Variants in ITPR2 observed in about 807,000 individuals in gnomAD.
ITPR2 encodes the protein inositol 1,4,5-trisphosphate-gated calcium channel ITPR2.
In ITPR2, 207 loss-of-function variants were observed where a neutral mutation model predicts 317.1. The ratio of observed to expected loss-of-function variants is 0.65; its 90% CI spans 0.58 to 0.73. ITPR2 has a LOEUF of 0.73. Ranked by LOEUF, ITPR2 falls within the 30% of genes least tolerant of loss-of-function variation. The pLI, the probability that ITPR2 is intolerant of heterozygous loss-of-function variation, is 0.00. For missense variants in ITPR2, 2,613 were observed against 3,284.0 expected, an observed-to-expected ratio of 0.80 and a Z score of 4.99; for synonymous variants, 1,156 against 1,149.1, an observed-to-expected ratio of 1.01 and a Z score of -0.12.
intron 37 of ITPR2, among the ~76,000 whole-genome samples, chr12:26,520,410 T>C (rs1339221689): frequency 1.3e-5 from 2 of 152,220 alleles, no homozygotes; most frequent in Admixed American, 1.3e-4. Flanking sequence ...CTTCCTGTTC[T>C]TGTGAGTGTC....
chr12:26,614,252 C>A (rs1946329656), intron 26 of ITPR2, among the ~76,000 whole-genome samples: 1 of 151,946 alleles, frequency 6.6e-6, no homozygotes, highest in Non-Finnish European at 1.5e-5. Context: ...AACAAGGGCA[C>A]AAGATAAGTT....
Position 26,597,028 on chromosome 12 carries a change from C to T in ITPR2, c.4109G>A (p.Gly1370Asp). 1 of 1,613,944 alleles carries T rather than the reference C, an allele frequency of 6.2e-7. No homozygotes were observed. The highest frequency in any genetic ancestry group is 8.5e-7 in the Non-Finnish European group (1 of 1,179,948). ...CSERDRGDES[G>D]PLAYHITLVE... Reference sequence around the variant, plus strand: ...CAGGGTGATGTGGTAGGCTAAGGGGCCACTCTCATCCCCTCGGTCTCTCTC... The same window carrying T: ...CAGGGTGATGTGGTAGGCTAAGGGGTCACTCTCATCCCCTCGGTCTCTCTC... Residue 1370 changes from glycine to aspartate, a missense_variant, in exon 31 of 57, where the codon GGC (glycine) becomes GAC (aspartate). Physicochemically the swap from Gly to Asp is moderately conservative, Grantham distance 94 (BLOSUM62 -1). Transcript: ENST00000381340.
At chr12:26,450,144 CGAG>C (rs1363862432) in intron 45 of ITPR2, among the ~76,000 whole-genome samples, 3 of 152,108 alleles carry the variant, frequency 2.0e-5, no homozygotes, top group Non-Finnish European at 2.9e-5. Flanking sequence ...GGATCCTCCT[CGAG>C]GGCCTTCAGA....
At chr12:26,624,235 T>C (rs1946565651) in intron 24 of ITPR2, 64 bp downstream of exon 24, 1 of 1,049,086 alleles carries the variant, frequency 9.5e-7, no homozygotes, top group South Asian at 1.3e-5. Flanking sequence ...TATCAAAGTA[T>C]CAATAGAATT....
chr12:26,663,311 T>A (rs1947544033), intron 15 of ITPR2, among the ~76,000 whole-genome samples: 1 of 152,212 alleles, frequency 6.6e-6, no homozygotes, highest in African/African-American at 2.4e-5. Context: ...CCATCATATC[T>A]TTTCCACTAA....
intron 2 of ITPR2, among the ~76,000 whole-genome samples, chr12:26,763,258 A>G (rs940060267): frequency 6.6e-6 from 1 of 152,070 alleles, no homozygotes; most frequent in African/African-American, 2.4e-5. Context: ...TTTCTTTGCC[A>G]ATTATAGTTT....
At chr12:26,588,396 C>T (rs943486442) in intron 32 of ITPR2, among the ~76,000 whole-genome samples, 11 of 152,082 alleles carry the variant, frequency 7.2e-5, no homozygotes, top group African/African-American at 2.4e-4. Context: ...GGGAAGAAGC[C>T]TTGTATAAGT....
chr12:26,606,528 T>A (rs1363804853), intron 26 of ITPR2, among the ~76,000 whole-genome samples: 2 of 137,430 alleles, frequency 1.5e-5, no homozygotes, highest in Non-Finnish European at 3.1e-5. Flanking sequence ...ATATTGGTTC[T>A]AAAGATAGTT....
At chr12:26,762,624 G>A (rs1164158980) in intron 2 of ITPR2, among the ~76,000 whole-genome samples, 22 of 152,152 alleles carry the variant, frequency 1.4e-4, no homozygotes, top group Admixed American at 1.3e-3. Context: ...AAAACATGTA[G>A]AAGTATAAAA....
intron 2 of ITPR2, among the ~76,000 whole-genome samples, chr12:26,760,620 C>T (rs759367734): frequency 1.9e-4 from 29 of 152,260 alleles, no homozygotes; most frequent in Non-Finnish European, 3.7e-4. Flanking sequence ...AACTTCTCTC[C>T]TACCCATCTA....
At chr12:26,377,533 T>C (rs1271161394) in intron 55 of ITPR2, among the ~76,000 whole-genome samples, 1 of 152,248 alleles carries the variant, frequency 6.6e-6, no homozygotes, top group Non-Finnish European at 1.5e-5. Flanking sequence ...CAGAAACAGC[T>C]TTCTTCCTTC....
At chr12:26,739,035 G>A (rs894815805) in intron 2 of ITPR2, among the ~76,000 whole-genome samples, 6 of 152,128 alleles carry the variant, frequency 3.9e-5, no homozygotes, top group South Asian at 4.1e-4. Flanking sequence ...AAAAAGGGAA[G>A]GCTAACAAGT....
At chr12:26,821,224 A>G (rs1275955440) in intron 1 of ITPR2, among the ~76,000 whole-genome samples, 1 of 152,208 alleles carries the variant, frequency 6.6e-6, no homozygotes, top group African/African-American at 2.4e-5. Context: ...GCTCACACCC[A>G]GCATCTTTGT....
intron 34 of ITPR2, among the ~76,000 whole-genome samples, chr12:26,573,753 A>T (rs1945216045): frequency 6.6e-6 from 1 of 152,170 alleles, no homozygotes; most frequent in Non-Finnish European, 1.5e-5. Flanking sequence ...GAGACTCCGA[A>T]AGAAGGTCAG....
intron 55 of ITPR2, among the ~76,000 whole-genome samples, chr12:26,362,549 G>C (rs1436197664): frequency 6.6e-6 from 1 of 152,134 alleles, no homozygotes; most frequent in Non-Finnish European, 1.5e-5. Context: ...GCTACTTTCA[G>C]TTAGTCACTG....
intron 34 of ITPR2, among the ~76,000 whole-genome samples, chr12:26,572,897 TG>T (rs1187636777): frequency 6.6e-6 from 1 of 152,174 alleles, no homozygotes; most frequent in African/African-American, 2.4e-5. Flanking sequence ...GTAAGCCAAA[TG>T]TCCATAGTTC....
At chr12:26,374,279 A>G (rs1031677425) in intron 55 of ITPR2, among the ~76,000 whole-genome samples, 48 of 152,186 alleles carry the variant, frequency 3.2e-4, no homozygotes, top group African/African-American at 1.1e-3. Flanking sequence ...AATACTCACT[A>G]TTTAGCTATG....
chr12:26,788,744 ATTC>A lies in ITPR2; in HGVS notation c.163+1410_163+1412del, dbSNP rs372698461. Among the ~76,000 whole-genome samples, 68 of 151,688 alleles carry A rather than the reference ATTC, an allele frequency of 4.5e-4. No homozygotes were observed. The South Asian group carries it at 0.011, about 25-fold the overall frequency. ...TCCAAGCTTTTCATGACTCATCCAA[ATTC>A]TTCTTCTTTGTATCTCTCTGTGCTA... On this transcript the variant is annotated intron_variant, in intron 2 of 56. Coordinates refer to ENST00000381340, the MANE Select transcript of ITPR2 (RefSeq NM_002223.4).
intron 1 of ITPR2, among the ~76,000 whole-genome samples, chr12:26,829,762 C>A (rs958484948): frequency 1.4e-4 from 22 of 152,120 alleles, no homozygotes; most frequent in African/African-American, 5.3e-4. Flanking sequence ...GAAGCAAGTA[C>A]CAGGAGGGAG....
Sources: gnomAD v4.1 joint callset for allele counts (sites outside exome capture counted in the v4.1 genomes callset) on GRCh38, gnomAD v4.1.1 for gene constraint, MANE v1.5 for transcripts, NCBI Gene and HGNC (gene_info 2026-07-23, HGNC 2026-07-21) for gene names.